Variants in SPHKAP observed in about 807,000 individuals in gnomAD.
The protein encoded by SPHKAP is A-kinase anchor protein SPHKAP.
In SPHKAP, 67 loss-of-function variants were observed where a neutral mutation model predicts 137.5. That is an observed-to-expected ratio of 0.49 (90% CI 0.40 to 0.60). The LOEUF (loss-of-function observed/expected upper bound fraction) is 0.60, where lower values mean the gene tolerates loss of function less well. Among genes scored for constraint, SPHKAP ranks in the 20% least tolerant of loss-of-function variants. The pLI is 0.00. For missense variants in SPHKAP, 2,097 were observed against 2,069.3 expected, an observed-to-expected ratio of 1.01 and a Z score of -0.26; for synonymous variants, 813 against 785.3, an observed-to-expected ratio of 1.04 and a Z score of -0.59.
chr2:227,993,215 C>T (rs1391445851), intron 9 of SPHKAP, among the ~76,000 whole-genome samples: 1 of 152,112 alleles, frequency 6.6e-6, no homozygotes, highest in Non-Finnish European at 1.5e-5. Context: ...ATTGAGTAGT[C>T]CTCTTTAGAT....
At chr2:228,085,961 A>G (rs775035987) in intron 3 of SPHKAP, among the ~76,000 whole-genome samples, 4 of 152,194 alleles carry the variant, frequency 2.6e-5, no homozygotes, top group Non-Finnish European at 4.4e-5. Flanking sequence ...GCTAAAGGAT[A>G]TTACACTACC....
At chr2:228,037,247 C>T (rs1695656833) in intron 3 of SPHKAP, among the ~76,000 whole-genome samples, 1 of 152,056 alleles carries the variant, frequency 6.6e-6, no homozygotes, top group Non-Finnish European at 1.5e-5. Flanking sequence ...ATTTTCAATG[C>T]TGTACTATCA....
Position 228,004,108 on chromosome 2 carries a change from A to G in SPHKAP, c.4449-8414T>C, listed in dbSNP as rs549960153. Among the ~76,000 whole-genome samples, 388 of 152,232 alleles carry G rather than the reference A, an allele frequency of 2.5e-3. 2 individuals are homozygous for G. Among genetic ancestry groups the G allele is most frequent in the African/African-American group, 9.1e-3 (378 of 41,548 alleles). ...GTTAGGGAGGATGCCCTCTTTTTCA[A>G]TTGATTGGAATAGTTTCAAAAAGAT... On this transcript the variant is annotated intron_variant, in intron 7 of 11. Coordinates refer to ENST00000392056, the MANE Select transcript of SPHKAP (RefSeq NM_001142644.2).
chr2:228,150,623 C>CCT (rs1553549308), intron 1 of SPHKAP, among the ~76,000 whole-genome samples: 3 of 120,612 alleles, frequency 2.5e-5, no homozygotes, highest in Non-Finnish European at 5.9e-5. Flanking sequence ...ATGATGTTTA[C>CCT]TTTTTTTTTC....
rs943936527 is a variant in SPHKAP, at chr2:228,016,965, C to T, written c.3889G>A (p.Gly1297Arg). 2 of 1,614,124 alleles carry T rather than the reference C, an allele frequency of 1.2e-6. No homozygotes were observed. Among genetic ancestry groups the T allele is most frequent in the Non-Finnish European group, 1.7e-6 (2 of 1,180,008 alleles). The change falls in exon 7 of 12, where the codon GGG (glycine) becomes AGG (arginine). Residue 1297 changes from glycine to arginine, a missense_variant. By Grantham distance (125) the Gly-to-Arg change is moderately radical. Transcript: ENST00000392056. ...KSDSCLYRRG[G>R]TDHITNMLIH... is the part of the protein sequence containing the mutation. ...AACATGTTGGTGATGTGGTCAGTCC[C>T]ACCTCTCCGATACAAGCAAGAGTCA...
intron 2 of SPHKAP, among the ~76,000 whole-genome samples, chr2:228,119,569 T>C (rs954286830): frequency 6.6e-5 from 10 of 151,338 alleles, no homozygotes; most frequent in African/African-American, 2.4e-4. Flanking sequence ...GCTTACGCCA[T>C]AGCAAACTTT....
chr2:228,139,948 T>TCTTTC (rs374831194), intron 1 of SPHKAP, among the ~76,000 whole-genome samples: 3 of 145,386 alleles, frequency 2.1e-5, no homozygotes, highest in East Asian at 4.1e-4. Context: ...TTCTTTTCTT[T>TCTTTC]TTTCTTTTTC....
At chr2:228,170,671 A>G (rs924506293) in intron 1 of SPHKAP, among the ~76,000 whole-genome samples, 1 of 152,170 alleles carries the variant, frequency 6.6e-6, no homozygotes, top group South Asian at 2.1e-4. Flanking sequence ...ATGGTTTTAC[A>G]CATAATACTA....
intron 11 of SPHKAP, among the ~76,000 whole-genome samples, chr2:227,984,836 G>A (rs1346058058): frequency 6.6e-6 from 1 of 152,146 alleles, no homozygotes; most frequent in Non-Finnish European, 1.5e-5. Flanking sequence ...ATCCCCAGTA[G>A]TCTTGGTGCC....
intron 3 of SPHKAP, among the ~76,000 whole-genome samples, chr2:228,038,543 T>C (rs774941264): frequency 2.6e-5 from 4 of 152,212 alleles, no homozygotes; most frequent in Non-Finnish European, 2.9e-5. Flanking sequence ...TGTGCTCTTA[T>C]TGCATTCTCT....
chr2:228,065,694 G>A (rs1053834712), intron 3 of SPHKAP, among the ~76,000 whole-genome samples: 14 of 152,124 alleles, frequency 9.2e-5, no homozygotes, highest in Non-Finnish European at 2.1e-4. Context: ...TGTGGGCTGC[G>A]GAACTCCAGC....
At chr2:228,091,056 C>T (rs1194959141) in intron 3 of SPHKAP, among the ~76,000 whole-genome samples, 2 of 151,972 alleles carry the variant, frequency 1.3e-5, no homozygotes, top group Non-Finnish European at 2.9e-5. Context: ...AATCAAAAGT[C>T]AGAGTTTGTA....
In SPHKAP at chr2:228,023,073, G is replaced by A. The variant is rs376286414; in HGVS notation, c.442-1107C>T. Among the ~76,000 whole-genome samples, 13 of 152,210 alleles carry A rather than the reference G, an allele frequency of 8.5e-5. 1 individual carries two copies. Among genetic ancestry groups the A allele is most frequent in the African/African-American group, 2.4e-4 (10 of 41,532 alleles). On this transcript the variant is annotated intron_variant, in intron 5 of 11. Transcript: ENST00000392056. ...TAGTCAGACCTGTTAATTCTGTTCC[G>A]TTCTAGGGTTACAAACCATATCCTC...
chr2:228,012,562 A>C (rs572875446), intron 7 of SPHKAP, among the ~76,000 whole-genome samples: 1 of 152,258 alleles, frequency 6.6e-6, no homozygotes, highest in African/African-American at 2.4e-5. Context: ...ACACTGTACA[A>C]TAATATTTTT....
At chr2:227,996,984 G>T (rs1693661388) in intron 7 of SPHKAP, among the ~76,000 whole-genome samples, 1 of 152,186 alleles carries the variant, frequency 6.6e-6, no homozygotes, top group Admixed American at 6.5e-5. Context: ...CCTGAAACAG[G>T]AGTTGGTACT....
intron 3 of SPHKAP, among the ~76,000 whole-genome samples, chr2:228,083,942 G>T (rs1314732222): frequency 6.6e-6 from 1 of 151,978 alleles, no homozygotes; most frequent in African/African-American, 2.4e-5. Flanking sequence ...TGGGGTGCAG[G>T]GCAAGGGGAG....
chr2:227,996,661 C>T (rs1693650748), intron 7 of SPHKAP, among the ~76,000 whole-genome samples: 1 of 152,154 alleles, frequency 6.6e-6, no homozygotes, highest in South Asian at 2.1e-4. Context: ...AAAATCAATA[C>T]ATCTAAAACG....
intron 3 of SPHKAP, among the ~76,000 whole-genome samples, chr2:228,061,766 T>C (rs533873106): frequency 3.0e-4 from 45 of 151,488 alleles, no homozygotes; most frequent in African/African-American, 9.9e-4. Context: ...TACACACACA[T>C]ATGTATATAT....
At chr2:228,107,866 G>A (rs1698392725) in intron 3 of SPHKAP, among the ~76,000 whole-genome samples, 1 of 152,152 alleles carries the variant, frequency 6.6e-6, no homozygotes. Context: ...ACGAAAAGCA[G>A]CAGAATCATA....
Sources: gnomAD v4.1 joint callset for allele counts (sites outside exome capture counted in the v4.1 genomes callset) on GRCh38, gnomAD v4.1.1 for gene constraint, MANE v1.5 for transcripts, NCBI Gene and HGNC (gene_info 2026-07-23, HGNC 2026-07-21) for gene names.